DMD: variants seen among roughly 807,000 people sequenced by gnomAD.
The protein encoded by DMD is mutant dystrophin.
DMD carries 63 observed loss-of-function variants against 330.1 expected under a neutral mutation model. The observed-to-expected ratio is 0.19, with a 90% confidence interval of 0.16 to 0.24. DMD has a LOEUF of 0.24. DMD is among the 10% of genes least tolerant of loss of function. The pLI is 1.00. For missense variants in DMD, 3,344 were observed against 2,684.1 expected, an observed-to-expected ratio of 1.25 and a Z score of -5.43; for synonymous variants, 1,223 against 959.8, an observed-to-expected ratio of 1.27 and a Z score of -5.07.
rs552817866 is a variant in DMD at position 32,571,273 on chromosome X, T to A, written c.1812+2257A>T. Among the ~76,000 whole-genome samples, 3 of 112,253 alleles carry A rather than the reference T, an allele frequency of 2.7e-5. No individual in the cohort carries two copies. In the East Asian group the frequency reaches 8.4e-4, roughly 31 times the overall value. The stretch of plus-strand genomic sequence containing the variant: ...ACATTTTGCCTGAGAAGAACAATGT[T>A]TGTAAGGAATATTCTGCTTTAAGGA... On this transcript the variant is annotated intron_variant, in intron 15 of 78. Transcript: ENST00000357033.
chrX:32,153,563 G>A (rs1297904936), intron 44 of DMD, among the ~76,000 whole-genome samples: 1 of 111,768 alleles, frequency 8.9e-6, no homozygotes, highest in Non-Finnish European at 1.9e-5. Flanking sequence ...GTTTGTGAAA[G>A]AAGAGTATGT....
At chrX:33,094,560 A>G (rs1368509190) in intron 1 of DMD, among the ~76,000 whole-genome samples, 1 of 111,767 alleles carries the variant, frequency 8.9e-6, no homozygotes, top group Non-Finnish European at 1.9e-5. Context: ...TAATCCCAGC[A>G]CTTTGGGAGT....
intron 44 of DMD, among the ~76,000 whole-genome samples, chrX:32,196,295 A>C (rs2096999737): frequency 8.9e-6 from 1 of 112,042 alleles, no homozygotes; most frequent in Non-Finnish European, 1.9e-5. Context: ...ATTGCTCCAG[A>C]TATAAAAAAA....
chrX:32,598,110 G>A (rs886233015), intron 12 of DMD, among the ~76,000 whole-genome samples: 1 of 111,782 alleles, frequency 8.9e-6, no homozygotes, highest in Non-Finnish European at 1.9e-5. Flanking sequence ...TCTTATTTTC[G>A]AAGCCTCAAC....
At chrX:32,942,559 A>C (rs988306322) in intron 2 of DMD, among the ~76,000 whole-genome samples, 12 of 111,237 alleles carry the variant, frequency 1.1e-4, no homozygotes, top group African/African-American at 3.9e-4. Context: ...CAAAAAAAGA[A>C]AAAAAAAGAG....
chrX:31,493,160 T>C (rs1368397489), intron 57 of DMD, among the ~76,000 whole-genome samples: 1 of 112,152 alleles, frequency 8.9e-6, no homozygotes, highest in African/African-American at 3.2e-5. Context: ...TTGGTCTCAA[T>C]AGCCTTCCTT....
intron 62 of DMD, among the ~76,000 whole-genome samples, chrX:31,269,712 G>T (rs2051468375): frequency 8.9e-6 from 1 of 112,023 alleles, no homozygotes; most frequent in African/African-American, 3.2e-5. Context: ...GTCAAAGAAG[G>T]CGACCCAGTA....
At chrX:33,321,459 G>GTCTCA (rs1289218810) in intron 1 of DMD, among the ~76,000 whole-genome samples, 6 of 111,069 alleles carry the variant, frequency 5.4e-5, no homozygotes, top group African/African-American at 1.6e-4. Context: ...TGAGCACAAG[G>GTCTCA]TCTCAACCCC....
intron 49 of DMD, among the ~76,000 whole-genome samples, chrX:31,821,744 C>T (rs1037240597): frequency 1.8e-5 from 2 of 112,050 alleles, no homozygotes; most frequent in Non-Finnish European, 3.8e-5. Context: ...ATAATAGCTG[C>T]GTTTTTGTAT....
intron 7 of DMD, among the ~76,000 whole-genome samples, chrX:32,777,113 T>C (rs1165140321): frequency 1.9e-5 from 2 of 108,023 alleles, no homozygotes; most frequent in African/African-American, 3.4e-5. Flanking sequence ...TCCACAATTA[T>C]CTGAGTAATT....
rs11315047 is a variant in DMD, at chrX:32,092,724, C to CTTTTTTTTT, written c.6438+124183_6438+124191dup. ...AAAAATGTTCATCACGTTATTTTCA[C>CTTTTTTTTT]TTTTTTTTTTTTTTTTTTTTTTTTT... On this transcript the variant is annotated intron_variant, in intron 44 of 78. Transcript: ENST00000357033. Among the ~76,000 whole-genome samples the CTTTTTTTTT allele has an allele frequency of 6.3e-4, 25 of 39,781 alleles. 3 individuals carry two copies. Among genetic ancestry groups the CTTTTTTTTT allele is most frequent in the African/African-American group, 1.8e-3 (16 of 9,085 alleles). The allele number at this position is 39,781 out of a possible 115,157, so 34.5% of individuals were successfully genotyped here.
chrX:31,771,656 C>A (rs2090350104), intron 51 of DMD, among the ~76,000 whole-genome samples: 1 of 110,218 alleles, frequency 9.1e-6, no homozygotes, highest in African/African-American at 3.3e-5. Flanking sequence ...CATGGGCCAC[C>A]ACACCAGCTA....
At chrX:33,193,480 T>C (rs1210408317) in intron 1 of DMD, among the ~76,000 whole-genome samples, 4 of 112,165 alleles carry the variant, frequency 3.6e-5, no homozygotes, top group African/African-American at 1.3e-4. Flanking sequence ...AGAGATACAG[T>C]GTATAGACAC....
chrX:32,446,258 T>C (rs771359920), intron 27 of DMD, among the ~76,000 whole-genome samples: 3 of 110,559 alleles, frequency 2.7e-5, no homozygotes, highest in Non-Finnish European at 3.8e-5. Context: ...AGTGAAACTG[T>C]AGAAGACAAA....
chrX:31,442,401 A>G (rs760453018), intron 60 of DMD, among the ~76,000 whole-genome samples: 1 of 111,836 alleles, frequency 8.9e-6, no homozygotes, highest in African/African-American at 3.2e-5. Context: ...GCTATATCAT[A>G]CTATCTCCTT....
intron 7 of DMD, among the ~76,000 whole-genome samples, chrX:32,724,952 A>G (rs1416454555): frequency 8.9e-6 from 1 of 111,875 alleles, no homozygotes; most frequent in African/African-American, 3.2e-5. Flanking sequence ...AGAAAGCTCT[A>G]GTAAACATCA....
At chrX:33,072,181 G>T (rs112023156) in intron 1 of DMD, among the ~76,000 whole-genome samples, 2,466 of 112,300 alleles carry the variant, frequency 0.022, 60 homozygotes, top group African/African-American at 0.076. Flanking sequence ...ACTTTGGGAG[G>T]CCAAGGCAGG....
At chrX:33,333,284 G>A (rs1449460749) in intron 1 of DMD, among the ~76,000 whole-genome samples, 1 of 111,033 alleles carries the variant, frequency 9.0e-6, no homozygotes. Context: ...GATATATTAA[G>A]AGCAAATGAA....
intron 51 of DMD, among the ~76,000 whole-genome samples, chrX:31,747,394 G>C (rs908341881): frequency 8.9e-6 from 1 of 111,797 alleles, no homozygotes; most frequent in African/African-American, 3.3e-5. Context: ...TAGGAGCACA[G>C]TGGCCTTTAA....
Sources: gnomAD v4.1 joint callset for allele counts (sites outside exome capture counted in the v4.1 genomes callset) on GRCh38, gnomAD v4.1.1 for gene constraint, MANE v1.5 for transcripts, NCBI Gene and HGNC (gene_info 2026-07-23, HGNC 2026-07-21) for gene names.